NALCN: variants seen among roughly 807,000 people sequenced by gnomAD.
NALCN encodes sodium leak channel, non-selective, also known as sodium leak channel NALCN.
In NALCN, 111 loss-of-function variants were observed where a neutral mutation model predicts 225.3. That is an observed-to-expected ratio of 0.49 (90% CI 0.42 to 0.58). NALCN has a LOEUF of 0.58. NALCN is among the 20% of genes least tolerant of loss of function. NALCN has a pLI of 0.00. For missense variants in NALCN, 1,378 were observed against 2,202.4 expected, an observed-to-expected ratio of 0.63 and a Z score of 7.49; for synonymous variants, 764 against 769.0, an observed-to-expected ratio of 0.99 and a Z score of 0.11.
At position 101,378,539 on chromosome 13, in the gene NALCN, C is replaced by T; in HGVS notation, c.375+31G>A. 3 of 1,547,164 alleles carry T rather than the reference C, an allele frequency of 1.9e-6. No individual in the cohort carries two copies. The South Asian group carries it at 3.6e-5, about 19-fold the overall frequency. ...AAAATAATTCCCATTTTGGAGAATA[C>T]CTGCTTGTAATTTAAAAAATATTTA... On this transcript the variant is annotated intron_variant, in intron 4 of 43. Transcript: ENST00000251127.
chr13:101,245,338 T>A (rs2041862182), intron 11 of NALCN, among the ~76,000 whole-genome samples: 2 of 152,162 alleles, frequency 1.3e-5, no homozygotes, highest in Non-Finnish European at 2.9e-5. Context: ...TTAGAAACAA[T>A]GCATAGAAAA....
chr13:101,070,391 A>ATAG (rs2032783647), intron 37 of NALCN, among the ~76,000 whole-genome samples: 1 of 152,216 alleles, frequency 6.6e-6, no homozygotes, highest in Non-Finnish European at 1.5e-5. Context: ...GGCATGTAGA[A>ATAG]TAGTGAATCC....
chr13:101,061,011 A>G (rs1475462209), intron 41 of NALCN, among the ~76,000 whole-genome samples: 2 of 152,228 alleles, frequency 1.3e-5, no homozygotes, highest in South Asian at 2.1e-4. Flanking sequence ...GCTCTGAGGA[A>G]GAGGATTGAA....
intron 40 of NALCN, among the ~76,000 whole-genome samples, chr13:101,063,248 A>G (rs1388267426): frequency 6.6e-6 from 1 of 152,218 alleles, no homozygotes; most frequent in Admixed American, 6.5e-5. Context: ...GCACTGGTAC[A>G]TTGGGCTTCT....
intron 30 of NALCN, among the ~76,000 whole-genome samples, chr13:101,085,088 A>G (rs1566796382): frequency 6.6e-6 from 1 of 152,146 alleles, no homozygotes; most frequent in Admixed American, 6.5e-5. Context: ...GTATCTTCCT[A>G]TGTGAATTGC....
chr13:101,179,029 G>A (rs565691426), intron 14 of NALCN, among the ~76,000 whole-genome samples: 6 of 152,322 alleles, frequency 3.9e-5, no homozygotes, highest in African/African-American at 1.4e-4. Context: ...AGGACAGCAA[G>A]GCTATGTTAT....
chr13:101,087,156 T>C (rs972304020), intron 30 of NALCN, among the ~76,000 whole-genome samples: 5 of 152,164 alleles, frequency 3.3e-5, no homozygotes, highest in Non-Finnish European at 7.4e-5. Context: ...ATTACTAATA[T>C]AGACTTGGAA....
intron 28 of NALCN, among the ~76,000 whole-genome samples, chr13:101,093,281 C>T (rs1444710322): frequency 6.6e-6 from 1 of 152,086 alleles, no homozygotes. Context: ...ATATTTATGT[C>T]CTAATTATAA....
intron 1 of NALCN, among the ~76,000 whole-genome samples, chr13:101,402,619 A>G (rs2047506116): frequency 1.3e-5 from 2 of 152,216 alleles, no homozygotes; most frequent in Non-Finnish European, 2.9e-5. Flanking sequence ...TATGGTTCAC[A>G]GCATGCCCTT....
At chr13:101,375,459 T>C (rs939246213) in intron 6 of NALCN, among the ~76,000 whole-genome samples, 3 of 152,228 alleles carry the variant, frequency 2.0e-5, no homozygotes, top group Non-Finnish European at 4.4e-5. Context: ...TTTGTATATA[T>C]ACAAGTATAT....
chr13:101,201,741 T>C (rs2040130524), intron 13 of NALCN, among the ~76,000 whole-genome samples: 1 of 152,164 alleles, frequency 6.6e-6, no homozygotes, highest in African/African-American at 2.4e-5. Flanking sequence ...TAAAATGTGG[T>C]GGGGAATACA....
At chr13:101,277,021 T>G (rs1279939250) in intron 10 of NALCN, among the ~76,000 whole-genome samples, 2 of 151,960 alleles carry the variant, frequency 1.3e-5, no homozygotes, top group African/African-American at 4.8e-5. Context: ...TATGTATATA[T>G]AAAAACGTGT....
At chr13:101,100,049 C>A (rs1021940680) in intron 27 of NALCN, among the ~76,000 whole-genome samples, 40 of 152,010 alleles carry the variant, frequency 2.6e-4, no homozygotes, top group African/African-American at 8.7e-4. Flanking sequence ...AAAGAAACGC[C>A]GTAGTGCAAG....
intron 7 of NALCN, among the ~76,000 whole-genome samples, chr13:101,300,396 T>TTCCTTCCTTCCC (rs1209381691): frequency 2.1e-5 from 3 of 145,732 alleles, no homozygotes; most frequent in Admixed American, 6.9e-5. Context: ...CCTTCCTTCC[T>TTCCTTCCTTCCC]TCCCTCCTTC....
At chr13:101,403,575 T>C (rs1450224425) in intron 1 of NALCN, among the ~76,000 whole-genome samples, 1 of 152,196 alleles carries the variant, frequency 6.6e-6, no homozygotes, top group Non-Finnish European at 1.5e-5. Context: ...AAGATAAACA[T>C]ACAACTTGTA....
intron 10 of NALCN, among the ~76,000 whole-genome samples, chr13:101,282,303 A>G (rs1395821559): frequency 6.6e-6 from 1 of 152,192 alleles, no homozygotes; most frequent in African/African-American, 2.4e-5. Flanking sequence ...GTATAGACAT[A>G]CAATGAAATA....
chr13:101,078,416 G>T (rs138512483), intron 34 of NALCN, among the ~76,000 whole-genome samples: 1 of 152,200 alleles, frequency 6.6e-6, no homozygotes, highest in African/African-American at 2.4e-5. Context: ...TGGTGGAGCT[G>T]CCCAAGGCCA....
intron 13 of NALCN, among the ~76,000 whole-genome samples, chr13:101,206,772 T>C (rs935815197): frequency 4.6e-5 from 7 of 151,100 alleles, no homozygotes; most frequent in Non-Finnish European, 8.9e-5. Flanking sequence ...ATGTATATAT[T>C]TTGTTTTGTA....
rs767226604 is a variant in NALCN, at chr13:101,258,461, G to C, written c.1248C>G (p.Asp416Glu). ...TGCTTACCTCCGCCAGGTAGAACTC[G>C]TCGTACTGCCTCCTGAAGTTTTCTC... Reference protein sequence around the residue: ...YKGENFRRQYDEFYLAEVAFT... With the variant: ...YKGENFRRQYEEFYLAEVAFT... The change falls in exon 11 of 44, where the codon GAC (aspartate) becomes GAG (glutamate). Residue 416 changes from aspartate (D) to glutamate (E), a missense_variant. Asp to Glu is a conservative substitution (Grantham distance 45, BLOSUM62 2). Around this residue, in one of 19 missense-constraint regions of NALCN, gnomAD observed 144 missense variants for 187.7 expected, o/e 0.77. Coordinates refer to ENST00000251127, the MANE Select transcript of NALCN (RefSeq NM_052867.4). 1.2e-6 allele frequency: 2 copies of C among 1,614,106 alleles called. No homozygotes were observed. Among genetic ancestry groups the C allele is most frequent in the African/African-American group, 2.7e-5 (2 of 75,054 alleles).
Sources: allele counts gnomAD v4.1 joint callset (sites outside exome capture counted in the v4.1 genomes callset), GRCh38; gene constraint gnomAD v4.1.1; regional missense constraint gnomAD v4.1.1; transcripts MANE v1.5; gene names NCBI Gene and HGNC (gene_info 2026-07-23, HGNC 2026-07-21).